CSMD1: variants seen among roughly 807,000 people sequenced by gnomAD.
The protein encoded by CSMD1 is CUB and Sushi multiple domains 1, also known as CUB and sushi domain-containing protein 1.
In CSMD1, 213 loss-of-function variants were observed where a neutral mutation model predicts 417.5. The ratio of observed to expected loss-of-function variants is 0.51; its 90% CI spans 0.46 to 0.57. The LOEUF (loss-of-function observed/expected upper bound fraction) is 0.57. Ranked by LOEUF, CSMD1 falls within the 20% of genes least tolerant of loss-of-function variation. The pLI is 0.00. For missense variants in CSMD1, 6,923 were observed against 4,529.7 expected (o/e 1.53, Z -15.17); for synonymous variants, 2,862 against 1,736.8 (o/e 1.65, Z -16.11).
chr8:4,822,175 G>A (rs1220889976), intron 1 of CSMD1, among the ~76,000 whole-genome samples: 2 of 152,198 alleles, frequency 1.3e-5, no homozygotes, highest in East Asian at 1.9e-4. Context: ...CTGTGACTGT[G>A]CATTCCAGCA....
chr8:4,966,076 G>C (rs926317882), intron 1 of CSMD1, among the ~76,000 whole-genome samples: 1 of 151,880 alleles, frequency 6.6e-6, no homozygotes, highest in Non-Finnish European at 1.5e-5. Context: ...AATTGAAAGA[G>C]TTCCAGGCCG....
intron 3 of CSMD1, among the ~76,000 whole-genome samples, chr8:4,177,396 C>T (rs1368524231): frequency 6.6e-6 from 1 of 151,886 alleles, no homozygotes; most frequent in Non-Finnish European, 1.5e-5. Flanking sequence ...AACAAAGACA[C>T]AACATACCAG....
intron 1 of CSMD1, among the ~76,000 whole-genome samples, chr8:4,847,042 C>A (rs770163834): frequency 3.3e-5 from 5 of 152,020 alleles, no homozygotes; most frequent in Non-Finnish European, 4.4e-5. Flanking sequence ...AAAAAGCATT[C>A]TTGTTCTGAT....
chr8:3,411,706 ACACG>A, intron 12 of CSMD1, among the ~76,000 whole-genome samples: 1 of 137,256 alleles, frequency 7.3e-6, no homozygotes, highest in African/African-American at 2.8e-5. Context: ...ACGTATATAT[ACACG>A]TATATATACA....
intron 2 of CSMD1, among the ~76,000 whole-genome samples, chr8:4,627,047 G>T (rs949014544): frequency 2.6e-5 from 4 of 152,010 alleles, no homozygotes; most frequent in African/African-American, 9.7e-5. Context: ...TAAATTTTGG[G>T]AATTAAAAGT....
At chr8:4,463,580 A>G (rs1265180598) in intron 2 of CSMD1, among the ~76,000 whole-genome samples, 3 of 152,310 alleles carry the variant, frequency 2.0e-5, no homozygotes, top group African/African-American at 7.2e-5. Context: ...AATACAGAAG[A>G]AGTGAACTGC....
intron 4 of CSMD1, among the ~76,000 whole-genome samples, chr8:4,010,348 C>A (rs538102674): frequency 1.3e-5 from 2 of 152,270 alleles, no homozygotes; most frequent in African/African-American, 4.8e-5. Flanking sequence ...TTGAAATCCA[C>A]TATTCCAAGA....
chr8:4,395,007 T>C (rs1160182664), intron 3 of CSMD1, among the ~76,000 whole-genome samples: 1 of 152,022 alleles, frequency 6.6e-6, no homozygotes, highest in East Asian at 1.9e-4. Context: ...GCAGAGGAGG[T>C]AGACCCTTTC....
intron 3 of CSMD1, among the ~76,000 whole-genome samples, chr8:4,178,234 C>T (rs1165542265): frequency 6.6e-6 from 1 of 152,100 alleles, no homozygotes; most frequent in Non-Finnish European, 1.5e-5. Flanking sequence ...AATCCACTAT[C>T]ATCAAGTGGG....
intron 40 of CSMD1, 174 bp downstream of exon 40, chr8:3,151,223 A>G (rs758471608): frequency 4.6e-5 from 24 of 521,174 alleles, no homozygotes; most frequent in Non-Finnish European, 7.5e-5. Flanking sequence ...TGATTTTTCA[A>G]ATAAGTTTTC....
At chr8:4,353,493 G>C (rs557274260) in intron 3 of CSMD1, among the ~76,000 whole-genome samples, 1 of 151,854 alleles carries the variant, frequency 6.6e-6, no homozygotes, top group African/African-American at 2.4e-5. Context: ...AATTAAAATT[G>C]GTCAAATGAA....
At chr8:3,465,174 G>T (rs528898517) in intron 12 of CSMD1, among the ~76,000 whole-genome samples, 2 of 152,162 alleles carry the variant, frequency 1.3e-5, no homozygotes, top group Admixed American at 6.5e-5. Flanking sequence ...TTGTTTTTCA[G>T]TCTCTGAGCT....
intron 2 of CSMD1, among the ~76,000 whole-genome samples, chr8:4,570,304 A>G (rs1220499989): frequency 2.0e-5 from 3 of 152,152 alleles, no homozygotes; most frequent in Non-Finnish European, 4.4e-5. Flanking sequence ...TTATTTTGAC[A>G]TATGTTCCGT....
At chr8:4,504,048 A>C (rs778035117) in intron 2 of CSMD1, among the ~76,000 whole-genome samples, 4 of 152,156 alleles carry the variant, frequency 2.6e-5, no homozygotes, top group African/African-American at 4.8e-5. Context: ...TTGCTGTGTA[A>C]TTCAAAACAG....
intron 1 of CSMD1, among the ~76,000 whole-genome samples, chr8:4,817,316 T>G (rs965946872): frequency 6.6e-6 from 1 of 152,240 alleles, no homozygotes; most frequent in Non-Finnish European, 1.5e-5. Context: ...GTGGCTATTA[T>G]TTTCTTCAAG....
chr8:3,492,312 A>G lies in CSMD1; in HGVS notation c.1448+1311T>C, dbSNP rs112295185. On this transcript the variant is annotated intron_variant, in intron 11 of 69. Coordinates refer to ENST00000635120, the MANE Select transcript of CSMD1 (RefSeq NM_033225.6). The stretch of plus-strand genomic sequence containing the variant: ...AAATAAGGAGACTTTTCTCCTCAGA[A>G]GCCGCCCATGGCTCCCCATGGGTGT... 2.9e-3 allele frequency among the ~76,000 whole-genome samples: 439 copies of G among 152,246 alleles called. 6 individuals carry two copies. The highest frequency in any genetic ancestry group is 9.6e-3 in the African/African-American group (399 of 41,540).
At position 4,608,859 on chromosome 8, in the gene CSMD1, G is replaced by C. The variant is rs564553384; in HGVS notation, c.302+28483C>G. On this transcript the variant is annotated intron_variant, in intron 2 of 69. Coordinates refer to ENST00000635120, the MANE Select transcript of CSMD1 (RefSeq NM_033225.6). ...GAAGAGATTGCTTTCTATAGAACAG[G>C]GAACTAGAAAACATTTGTTTGTTCT... is the stretch of plus-strand genomic sequence containing the variant. Among the ~76,000 whole-genome samples, 26 of 152,236 alleles carry C rather than the reference G, an allele frequency of 1.7e-4. No individual in the cohort carries two copies. In the East Asian group the frequency reaches 2.1e-3, roughly 12 times the overall value.
chr8:3,932,335 C>T (rs1423801649), intron 5 of CSMD1, among the ~76,000 whole-genome samples: 2 of 150,504 alleles, frequency 1.3e-5, no homozygotes, highest in Admixed American at 6.6e-5. Flanking sequence ...AAACTTTCCC[C>T]ATTTATTCTG....
intron 1 of CSMD1, among the ~76,000 whole-genome samples, chr8:4,916,359 T>A (rs763259547): frequency 6.6e-6 from 1 of 152,164 alleles, no homozygotes; most frequent in South Asian, 2.1e-4. Context: ...GCAAAACCCT[T>A]TGAAAAAAGT....
Sources: gnomAD v4.1 joint callset for allele counts (sites outside exome capture counted in the v4.1 genomes callset) on GRCh38, gnomAD v4.1.1 for gene constraint, MANE v1.5 for transcripts, NCBI Gene and HGNC (gene_info 2026-07-23, HGNC 2026-07-21) for gene names.